Variants in ALDH1A3 observed in about 807,000 individuals in gnomAD.
The protein encoded by ALDH1A3 is aldehyde dehydrogenase 1 family member A3.
ALDH1A3 carries 28 observed loss-of-function variants against 57.5 expected under a neutral mutation model. The ratio of observed to expected loss-of-function variants is 0.49; its 90% CI spans 0.36 to 0.67. The LOEUF (loss-of-function observed/expected upper bound fraction) is 0.67, where lower values mean the gene tolerates loss of function less well. ALDH1A3 is among the 30% of genes least tolerant of loss of function. The probability of loss-of-function intolerance (pLI) is 0.00; values close to 1 mark genes in which losing one functional copy is unlikely to be tolerated. For missense variants in ALDH1A3, 507 were observed against 669.4 expected, an observed-to-expected ratio of 0.76 and a Z score of 2.68; for synonymous variants, 281 against 264.8, an observed-to-expected ratio of 1.06 and a Z score of -0.59.
chr15:100,908,141 G>A (rs2041844934), intron 11 of ALDH1A3, among the ~76,000 whole-genome samples: 1 of 152,078 alleles, frequency 6.6e-6, no homozygotes, highest in Non-Finnish European at 1.5e-5. Context: ...AAGTCATCAT[G>A]CCTGGCCCTC....
At chr15:100,886,587 A>T (rs4646659) in intron 2 of ALDH1A3, among the ~76,000 whole-genome samples, 1 of 152,084 alleles carries the variant, frequency 6.6e-6, no homozygotes, top group Non-Finnish European at 1.5e-5. Flanking sequence ...GTCACTCCTG[A>T]CTGGTGTCCC....
At chr15:100,880,993 G>A (rs1414373789) in intron 1 of ALDH1A3, 5 of 152,290 alleles carry the variant, frequency 3.3e-5, no homozygotes, top group Non-Finnish European at 7.3e-5. Context: ...CCCCACCTTT[G>A]GCTTCTCTTG....
Position 100,895,974 on chromosome 15 carries a change from C to T in ALDH1A3, c.708C>T (p.Phe236=), listed in dbSNP as rs141807607. 1.3e-4 allele frequency: 206 copies of T among 1,613,684 alleles called. No individual in the cohort carries two copies. In the African/African-American group the frequency reaches 2.3e-3, roughly 18 times the overall value. Residue 236 remains phenylalanine (F), a synonymous_variant, in exon 7 of 13, where the codon TTC becomes TTT. Transcript: ENST00000329841. The stretch of plus-strand genomic sequence containing the variant: ...GAGTGGTGAACATTGTGCCAGGATT[C>T]GGGCCCACAGTGGGAGCAGCAATTT... ...PPGVVNIVPG[F]GPTVGAAISS...
chr15:100,885,218 A>T (rs529128654), intron 1 of ALDH1A3, 49 bp from the exon 2 acceptor site: 2 of 1,338,906 alleles, frequency 1.5e-6, no homozygotes, highest in South Asian at 1.2e-5. Context: ...TGTTGAAATT[A>T]TATGATTTTG....
At position 100,887,977 on chromosome 15, in the gene ALDH1A3, G is replaced by A. The variant is rs1027592614; in HGVS notation, c.345+265G>A. Among the ~76,000 whole-genome samples, 9 of 152,328 alleles carry A rather than the reference G, an allele frequency of 5.9e-5. No homozygotes were observed. Among genetic ancestry groups the A allele is most frequent in the African/African-American group, 2.2e-4 (9 of 41,572 alleles). On this transcript the variant is annotated intron_variant, in intron 3 of 12. Transcript: ENST00000329841. This position sits in a 1 kb window ranked among gnomAD's most constrained non-coding sequence, Gnocchi z 4.6. ...GTCTATAGGCAGTTGAGCTACATCAGTGGTCTCAGACTTGGGGCACTCACA... is the reference window on the plus strand; with the variant it reads ...GTCTATAGGCAGTTGAGCTACATCAATGGTCTCAGACTTGGGGCACTCACA...
At chr15:100,880,077 G>A (rs759445356) in intron 1 of ALDH1A3, 71 bp downstream of exon 1, 67 of 1,166,282 alleles carry the variant, frequency 5.7e-5, no homozygotes, top group Non-Finnish European at 7.3e-5. Flanking sequence ...GGGGCGGCGG[G>A]GGCGAGGGAG....
At chr15:100,900,873 GC>G in intron 9 of ALDH1A3, 114 bp downstream of exon 9, 1 of 1,157,802 alleles carries the variant, frequency 8.6e-7, no homozygotes, top group Non-Finnish European at 1.2e-6. Flanking sequence ...GACCTGTCCT[GC>G]CCAGGAGGCT....
At chr15:100,902,794 C>T (rs1347175560) in intron 9 of ALDH1A3, among the ~76,000 whole-genome samples, 6 of 152,250 alleles carry the variant, frequency 3.9e-5, no homozygotes, top group Non-Finnish European at 8.8e-5. Flanking sequence ...TGTGTTCCTA[C>T]GGGCTCTCCA....
chr15:100,907,262 G>A lies in ALDH1A3; in HGVS notation c.1375G>A (p.Glu459Lys), dbSNP rs147498604. ...DKALKLASAL[E>K]SGTVWINCYN... ...AGCCCTGAAGTTGGCTTCTGCCTTAGAGTCTGGAACGGTCTGGTGAGTTGA... is the reference window on the plus strand; with the variant it reads ...AGCCCTGAAGTTGGCTTCTGCCTTAAAGTCTGGAACGGTCTGGTGAGTTGA... Residue 459 changes from glutamate to lysine, a missense_variant, in exon 11 of 13, where the codon GAG (glutamate) becomes AAG (lysine). Physicochemically the swap from Glu to Lys is moderately conservative, Grantham distance 56 (BLOSUM62 1). This residue lies in a region of ALDH1A3 where 432 missense variants were observed against 608.4 expected (regional missense o/e 0.71). Coordinates refer to ENST00000329841, the MANE Select transcript of ALDH1A3 (RefSeq NM_000693.4). The A allele has an allele frequency of 3.1e-6, 5 of 1,614,110 alleles. No homozygotes were observed. The highest frequency in any genetic ancestry group is 4.2e-6 in the Non-Finnish European group (5 of 1,180,044).
chr15:100,912,608 G>A (rs1360958029), intron 12 of ALDH1A3, among the ~76,000 whole-genome samples: 2 of 152,092 alleles, frequency 1.3e-5, no homozygotes, highest in Admixed American at 6.5e-5. Flanking sequence ...ATTTTCATGG[G>A]TTCTGGAACT....
chr15:100,912,519 C>A (rs1567175485), intron 12 of ALDH1A3, among the ~76,000 whole-genome samples: 1 of 152,046 alleles, frequency 6.6e-6, no homozygotes, highest in East Asian at 1.9e-4. Flanking sequence ...CTCTGCTCTA[C>A]AAAAATAGAA....
At chr15:100,897,976 G>A (rs75769340) in intron 7 of ALDH1A3, 107 bp from the exon 8 acceptor site, 2 of 1,008,978 alleles carry the variant, frequency 2.0e-6, no homozygotes, top group East Asian at 2.5e-5. Context: ...CGAGAGCCAG[G>A]TGGTGGCACT....
intron 1 of ALDH1A3, among the ~76,000 whole-genome samples, chr15:100,882,750 A>G (rs2041557944): frequency 6.6e-6 from 1 of 152,252 alleles, no homozygotes; most frequent in African/African-American, 2.4e-5. Context: ...ATCAAAGACA[A>G]CAATTCCTTC....
rs4646683 is a variant in ALDH1A3, at chr15:100,906,775, C to T, written c.1234-346C>T. On this transcript the variant is annotated intron_variant, in intron 10 of 12. Transcript: ENST00000329841. This position sits in a 1 kb window ranked among gnomAD's most constrained non-coding sequence, Gnocchi z 4.8. ...CTGCAGATATCCTTCAGGACAACTC[C>T]GAAAAAAGTTACCTAAAGGTTTTGT... Among the ~76,000 whole-genome samples, 14,900 of 152,126 alleles carry T rather than the reference C, an allele frequency of 0.098. 1,462 individuals carry two copies. Among genetic ancestry groups the T allele is most frequent in the African/African-American group, 0.26 (10,570 of 41,442 alleles).
chr15:100,881,482 G>A (rs1457422607), intron 1 of ALDH1A3: 1 of 152,222 alleles, frequency 6.6e-6, no homozygotes, highest in African/African-American at 2.4e-5. Context: ...ATAGAAACCA[G>A]ACAGTAAATG....
At chr15:100,914,406 C>A (rs908775115) in intron 12 of ALDH1A3, 4 of 237,230 alleles carry the variant, frequency 1.7e-5, no homozygotes, top group African/African-American at 9.0e-5. Flanking sequence ...AGGGAATTCA[C>A]CTCTTTACTT....
rs541743913 is a variant in ALDH1A3, at chr15:100,884,003, A to G, written c.100-1264A>G. ...AGCTATGTATACCACATGCAGATAG[A>G]TGTAAAAACGGAACCTGATGAACTA... On this transcript the variant is annotated intron_variant, in intron 1 of 12. Transcript: ENST00000329841. Among the ~76,000 whole-genome samples, 4 of 152,352 alleles carry G rather than the reference A, an allele frequency of 2.6e-5. No individual in the cohort carries two copies. The South Asian group carries it at 8.3e-4, about 32-fold the overall frequency.
intron 1 of ALDH1A3, among the ~76,000 whole-genome samples, chr15:100,884,482 T>C (rs1161603431): frequency 1.3e-5 from 2 of 152,158 alleles, no homozygotes; most frequent in African/African-American, 4.8e-5. Flanking sequence ...CATCTCTTAA[T>C]GTAACCTGGA....
rs140070185 is a variant in ALDH1A3, at chr15:100,882,193, C to G, written c.99+2187C>G. Among the ~76,000 whole-genome samples the G allele has an allele frequency of 1.8e-3, 267 of 152,334 alleles. 2 individuals are homozygous for G. Among genetic ancestry groups the G allele is most frequent in the African/African-American group, 6.1e-3 (254 of 41,562 alleles). ...GAGTTGGTCCATCTGAGCCCTAGCC[C>G]CGGCAGTGCCATTTCCCAGGGTGGT... On this transcript the variant is annotated intron_variant, in intron 1 of 12. Transcript: ENST00000329841.
Sources: gnomAD v4.1 joint callset for allele counts (sites outside exome capture counted in the v4.1 genomes callset) on GRCh38, gnomAD v4.1.1 for gene constraint, gnomAD v4.1.1 regional missense constraint, Gnocchi (gnomAD v3.1) non-coding constraint, MANE v1.5 for transcripts, NCBI Gene and HGNC (gene_info 2026-07-23, HGNC 2026-07-21) for gene names.